ANO4: variants seen among roughly 807,000 people sequenced by gnomAD.
ANO4 encodes anoctamin-4.
ANO4 carries 69 observed loss-of-function variants against 141.9 expected under a neutral mutation model. That is an observed-to-expected ratio of 0.49 (90% CI 0.40 to 0.59). The LOEUF is 0.59. ANO4 is among the 20% of genes least tolerant of loss of function. The probability of loss-of-function intolerance (pLI) is 0.00; values close to 1 mark genes in which losing one functional copy is unlikely to be tolerated. For missense variants in ANO4, 894 were observed against 1,162.2 expected (o/e 0.77, Z 3.36); for synonymous variants, 350 against 394.3 (o/e 0.89, Z 1.33).
chr12:100,877,754 A>G (rs1270103915), intron 1 of ANO4, among the ~76,000 whole-genome samples: 2 of 152,068 alleles, frequency 1.3e-5, no homozygotes, highest in Non-Finnish European at 2.9e-5. Context: ...TACAGAGTAG[A>G]GGGATAGTTG....
intron 3 of ANO4, among the ~76,000 whole-genome samples, chr12:100,743,327 A>C (rs1046923321): frequency 4.0e-5 from 6 of 151,436 alleles, no homozygotes; most frequent in Non-Finnish European, 8.8e-5. Flanking sequence ...TATATTATTA[A>C]ATTATTTCTT....
At chr12:100,851,131 A>G (rs1333824488) in intron 1 of ANO4, among the ~76,000 whole-genome samples, 1 of 152,204 alleles carries the variant, frequency 6.6e-6, no homozygotes, top group Non-Finnish European at 1.5e-5. Context: ...CTCTAGATAC[A>G]AAAATGCCAA....
intron 8 of ANO4, among the ~76,000 whole-genome samples, chr12:101,017,274 C>A (rs2046351288): frequency 6.6e-6 from 1 of 152,150 alleles, no homozygotes; most frequent in South Asian, 2.1e-4. Context: ...CTGTATAACA[C>A]CATCAGATCT....
At chr12:101,100,928 G>T (rs570432835) in intron 22 of ANO4, among the ~76,000 whole-genome samples, 3 of 152,148 alleles carry the variant, frequency 2.0e-5, no homozygotes, top group Admixed American at 6.5e-5. Flanking sequence ...GTAGATGAGA[G>T]GTTGGCAAAC....
At chr12:100,801,710 G>A (rs531511481) in intron 1 of ANO4, among the ~76,000 whole-genome samples, 5 of 145,438 alleles carry the variant, frequency 3.4e-5, no homozygotes, top group African/African-American at 1.3e-4. Flanking sequence ...TATGATGGTC[G>A]TGCCAGCAAT....
At position 100,980,032 on chromosome 12, in the gene ANO4, G is replaced by A. The variant is rs933946104; in HGVS notation, c.602+5143G>A. Among the ~76,000 whole-genome samples, 21 of 151,916 alleles carry A rather than the reference G, an allele frequency of 1.4e-4. No homozygotes were observed. The East Asian group carries it at 3.1e-3, about 23-fold the overall frequency. On this transcript the variant is annotated intron_variant, in intron 7 of 27. Transcript: ENST00000392977. ...TGGGATTACAGGCGTGAGCCACCAC[G>A]CCCGGCCGAGAAATCCTTCTTTCTA...
Position 100,901,656 on chromosome 12 carries a change from A to T in ANO4, c.-130A>T. The T allele has an allele frequency of 1.2e-6, 1 of 821,290 alleles. No homozygotes were observed. Among genetic ancestry groups the T allele is most frequent in the Non-Finnish European group, 2.2e-6 (1 of 459,280 alleles). The allele number at this position is 821,290 out of a possible 1,614,324, so 50.9% of individuals were successfully genotyped here. On this transcript the variant is annotated 5_prime_UTR_variant, in exon 2 of 28. Transcript: ENST00000392977. ...CATTTCTCATTCCAGGTTTAAGTTT[A>T]TCTATTCATGGGGCTGAAAAGCGTT...
At chr12:100,972,955 G>A (rs2043996314) in intron 6 of ANO4, among the ~76,000 whole-genome samples, 1 of 152,206 alleles carries the variant, frequency 6.6e-6, no homozygotes, top group African/African-American at 2.4e-5. Context: ...TAACACTTCT[G>A]CATGCCTACT....
intron 1 of ANO4, among the ~76,000 whole-genome samples, chr12:100,886,865 C>T (rs1376691955): frequency 1.3e-5 from 2 of 152,186 alleles, no homozygotes; most frequent in Non-Finnish European, 2.9e-5. Context: ...ATTACATAGT[C>T]TACCTTGTGC....
At chr12:101,008,404 T>G (rs1207155917) in intron 8 of ANO4, among the ~76,000 whole-genome samples, 1 of 152,208 alleles carries the variant, frequency 6.6e-6, no homozygotes, top group East Asian at 1.9e-4. Context: ...TTTTCAGTTA[T>G]AGCAGAATCT....
rs1034108522 is a variant in ANO4, at chr12:101,127,150, T to C, written c.*4+76T>C. ...TGCTTTAAACTCCCTGAAGCAAAGC[T>C]TACCATTGTTGCAGTAACAGGGATC... is the stretch of plus-strand genomic sequence containing the variant. On this transcript the variant is annotated intron_variant, in intron 27 of 27. Coordinates refer to ENST00000392977, the MANE Select transcript of ANO4 (RefSeq NM_001286615.2). 77 of 1,368,128 alleles carry C rather than the reference T, an allele frequency of 5.6e-5. 1 individual carries two copies. In the South Asian group the frequency reaches 1.0e-3, roughly 18 times the overall value. The allele number at this position is 1,368,128 out of a possible 1,614,324, so 84.7% of individuals were successfully genotyped here.
intron 12 of ANO4, among the ~76,000 whole-genome samples, chr12:101,042,879 G>T (rs1398493594): frequency 6.6e-6 from 1 of 152,100 alleles, no homozygotes; most frequent in Non-Finnish European, 1.5e-5. Context: ...CTAGTATCTT[G>T]GGAGCGGTTC....
chr12:100,816,515 G>A (rs1276120911), intron 1 of ANO4, among the ~76,000 whole-genome samples: 1 of 151,944 alleles, frequency 6.6e-6, no homozygotes, highest in Non-Finnish European at 1.5e-5. Context: ...CATTTAGGAG[G>A]CAATGGGAAT....
At chr12:100,923,635 C>T (rs1233377015) in intron 3 of ANO4, among the ~76,000 whole-genome samples, 3 of 152,072 alleles carry the variant, frequency 2.0e-5, no homozygotes, top group Admixed American at 6.5e-5. Flanking sequence ...GATTTATAAT[C>T]CTTTGGGTAT....
intron 23 of ANO4, among the ~76,000 whole-genome samples, chr12:101,111,120 T>C (rs765015106): frequency 3.3e-5 from 5 of 152,258 alleles, no homozygotes; most frequent in Admixed American, 1.3e-4. Context: ...GTGGATGTTA[T>C]TGTTAATGAC....
At chr12:101,049,237 G>A (rs1196244020) in intron 14 of ANO4, among the ~76,000 whole-genome samples, 1 of 152,068 alleles carries the variant, frequency 6.6e-6, no homozygotes, top group Non-Finnish European at 1.5e-5. Flanking sequence ...GAATTTTGAT[G>A]TAACAAAATT....
intron 14 of ANO4, chr12:101,068,454 C>G (rs878918867): frequency 1.1e-6 from 1 of 914,328 alleles, no homozygotes; most frequent in Admixed American, 1.7e-5. Context: ...TCCCATGAAG[C>G]CTTTCTTTAG....
intron 26 of ANO4, among the ~76,000 whole-genome samples, chr12:101,123,155 T>C (rs2051162055): frequency 1.3e-5 from 2 of 152,190 alleles, no homozygotes; most frequent in Admixed American, 6.5e-5. Flanking sequence ...ATTCTATCAC[T>C]GCTTTTTCCT....
chr12:100,959,364 T>C (rs1362840364), intron 5 of ANO4, among the ~76,000 whole-genome samples: 2 of 152,150 alleles, frequency 1.3e-5, no homozygotes, highest in Admixed American at 1.3e-4. Flanking sequence ...TACTCAGTTG[T>C]TACAAACATG....
Sources: gnomAD v4.1 joint callset for allele counts (sites outside exome capture counted in the v4.1 genomes callset) on GRCh38, gnomAD v4.1.1 for gene constraint, MANE v1.5 for transcripts, NCBI Gene and HGNC (gene_info 2026-07-23, HGNC 2026-07-21) for gene names.